Variants in USP6NL observed in about 807,000 individuals in gnomAD.
USP6NL encodes USP6 N-terminal-like protein.
Under a neutral mutation model 61.9 loss-of-function variants are expected in USP6NL, and 26 were observed. That is an observed-to-expected ratio of 0.42 (90% CI 0.31 to 0.58). USP6NL has a LOEUF of 0.58. USP6NL is among the 20% of genes least tolerant of loss of function. The probability of loss-of-function intolerance (pLI) is 0.16; values close to 1 mark genes in which losing one functional copy is unlikely to be tolerated. For synonymous variants in USP6NL, 432 were observed against 390.1 expected (o/e 1.11, Z -1.27); for missense variants, 1,114 against 1,034.3 (o/e 1.08, Z -1.06).
chr10:11,497,334 C>A (rs542897374), intron 7 of USP6NL, among the ~76,000 whole-genome samples: 2 of 149,822 alleles, frequency 1.3e-5, no homozygotes, highest in Admixed American at 6.6e-5. Context: ...TGGTGTGAAC[C>A]CGGGAGGCGG....
intron 6 of USP6NL, among the ~76,000 whole-genome samples, chr10:11,502,172 T>G (rs949463037): frequency 2.7e-5 from 4 of 149,066 alleles, no homozygotes; most frequent in African/African-American, 9.9e-5. Context: ...GGCAGGAGAA[T>G]GGCGTGAACC....
In USP6NL at chr10:11,597,183, C is replaced by T. The variant is rs1838358882; in HGVS notation, c.4+448G>A. On this transcript the variant is annotated intron_variant, in intron 2 of 14. Coordinates refer to ENST00000609104, the MANE Select transcript of USP6NL (RefSeq NM_014688.5). The surrounding 1 kb of genome is among the most constrained non-coding windows in gnomAD (Gnocchi z 4.6). Reference sequence around the variant, plus strand: ...CAAATGTGGTTAAGCCCAGGATAGCCTTGGTTCTTTGTTCTATCAGAGACA... The same window carrying T: ...CAAATGTGGTTAAGCCCAGGATAGCTTTGGTTCTTTGTTCTATCAGAGACA... Among the ~76,000 whole-genome samples the T allele has an allele frequency of 6.6e-6, 1 of 152,146 alleles. No individual in the cohort carries two copies. Among genetic ancestry groups the T allele is most frequent in the Non-Finnish European group, 1.5e-5 (1 of 68,016 alleles).
chr10:11,483,629 G>GT (rs1833324623), intron 13 of USP6NL, among the ~76,000 whole-genome samples: 1 of 716 alleles, frequency 1.4e-3, no homozygotes, highest in Non-Finnish European at 4.6e-3. Context: ...GGGAGAAGGG[G>GT]AGGGAGAGGG....
rs1305379374 is a variant in USP6NL, at chr10:11,463,934, C to CT, written c.1079-86dup. The CT allele has an allele frequency of 1.1e-5, 14 of 1,291,764 alleles. No homozygotes were observed. The highest frequency in any genetic ancestry group is 2.9e-5 in the Admixed American group (1 of 34,598). The allele number at this position is 1,291,764 out of a possible 1,614,324, so 80.0% of individuals were successfully genotyped here. A position where few individuals can be genotyped will look rare whatever the true frequency, so the allele number is the denominator to read the frequency against. ...GCAATCCATTAGTAACAATGGCATG[C>CT]TTTTCATCTGTGCACAGATACACGC... On this transcript the variant is annotated intron_variant, in intron 14 of 14. Transcript: ENST00000609104. The surrounding 1 kb of genome is among the most constrained non-coding windows in gnomAD (Gnocchi z 6.3).
At position 11,528,274 on chromosome 10, in the gene USP6NL, A is replaced by G. The variant is rs1835506130; in HGVS notation, c.5-707T>C. On this transcript the variant is annotated intron_variant, in intron 2 of 14. Transcript: ENST00000609104. This position sits in a 1 kb window ranked among gnomAD's most constrained non-coding sequence, Gnocchi z 4.6. ...TACCATAAGTTTTTTTAAAAGATCA[A>G]TAACAGACTATATAAAAGGCTTCTC... 6.6e-6 allele frequency among the ~76,000 whole-genome samples: 1 copy of G among 151,952 alleles called. No homozygotes were observed. The highest frequency in any genetic ancestry group is 2.4e-5 in the African/African-American group (1 of 41,420).
chr10:11,500,532 G>C (rs939707725), intron 7 of USP6NL, among the ~76,000 whole-genome samples: 1 of 151,966 alleles, frequency 6.6e-6, no homozygotes, highest in East Asian at 1.9e-4. Flanking sequence ...ATGACAAGGA[G>C]ATACATTTAA....
intron 2 of USP6NL, among the ~76,000 whole-genome samples, chr10:11,578,538 A>G (rs1463235260): frequency 6.6e-6 from 1 of 152,232 alleles, no homozygotes; most frequent in Admixed American, 6.5e-5. Context: ...CAGGAGTTTG[A>G]GGCTGCAATG....
chr10:11,573,308 T>C (rs1375518853), intron 2 of USP6NL: 2 of 222,388 alleles, frequency 9.0e-6, no homozygotes, highest in Non-Finnish European at 1.7e-5. Flanking sequence ...ACCTCCAAAA[T>C]ACATAATGCA....
chr10:11,493,298 A>G, intron 7 of USP6NL, 70 bp from the exon 8 acceptor site: 1 of 1,326,468 alleles, frequency 7.5e-7, no homozygotes, highest in South Asian at 1.4e-5. Context: ...ATGACAAATA[A>G]TAATTCTCAT....
At chr10:11,533,368 G>A (rs1424409528) in intron 2 of USP6NL, among the ~76,000 whole-genome samples, 4 of 152,220 alleles carry the variant, frequency 2.6e-5, no homozygotes, top group African/African-American at 4.8e-5. Flanking sequence ...CTTCTGCCCT[G>A]CCAGGGATGT....
Position 11,597,522 on chromosome 10 carries a change from G to C in USP6NL, c.4+109C>G. ...CTGGGTGGAACCACATTCAAACTCT[G>C]AATAAGTGACATAATTCCAATTTAT... On this transcript the variant is annotated intron_variant, in intron 2 of 14. Coordinates refer to ENST00000609104, the MANE Select transcript of USP6NL (RefSeq NM_014688.5). The surrounding 1 kb of genome is among the most constrained non-coding windows in gnomAD (Gnocchi z 4.6). 8.4e-7 allele frequency: 1 copy of C among 1,186,368 alleles called. No individual in the cohort carries two copies. Among genetic ancestry groups the C allele is most frequent in the South Asian group, 1.3e-5 (1 of 76,624 alleles). 73.5% of individuals were successfully genotyped at this position (1,186,368 alleles called of 1,614,324 possible).
At chr10:11,533,390 C>T (rs1195707939) in intron 2 of USP6NL, among the ~76,000 whole-genome samples, 4 of 152,234 alleles carry the variant, frequency 2.6e-5, no homozygotes, top group Admixed American at 6.5e-5. Context: ...CACATCCTAA[C>T]CCCTGGAATC....
intron 2 of USP6NL, among the ~76,000 whole-genome samples, chr10:11,579,889 A>G (rs1837682834): frequency 6.6e-6 from 1 of 150,794 alleles, no homozygotes; most frequent in Non-Finnish European, 1.5e-5. Context: ...CACAGACAAT[A>G]CACACATGAA....
chr10:11,522,117 C>T (rs1835234346), intron 4 of USP6NL, among the ~76,000 whole-genome samples: 1 of 152,192 alleles, frequency 6.6e-6, no homozygotes, highest in Non-Finnish European at 1.5e-5. Context: ...CAACAGCTTT[C>T]ATATTTATTG....
chr10:11,583,932 G>A (rs562617332), intron 2 of USP6NL, among the ~76,000 whole-genome samples: 6 of 152,312 alleles, frequency 3.9e-5, no homozygotes, highest in African/African-American at 1.2e-4. Context: ...CAGAGGCTGA[G>A]GCAGGAGAAT....
At chr10:11,475,596 CAAAA>C (rs35589300) in intron 14 of USP6NL, among the ~76,000 whole-genome samples, 401 of 38,698 alleles carry the variant, frequency 0.01, 2 homozygotes, top group Non-Finnish European at 0.014. Flanking sequence ...AACTCTGTCG[CAAAA>C]AAAAAAAAAA....
Position 11,485,248 on chromosome 10 carries a change from G to T in USP6NL, c.760-14C>A. On this transcript the variant is annotated splice_polypyrimidine_tract_variant and intron_variant, in intron 11 of 14. Coordinates refer to ENST00000609104, the MANE Select transcript of USP6NL (RefSeq NM_014688.5). This position sits in a 1 kb window ranked among gnomAD's most constrained non-coding sequence, Gnocchi z 4.8. ...TTCTTGAGAATCCTGAAAAAACAAAGAGCTCACAATTTATGGATTGTAGCA... is the reference window on the plus strand; with the variant it reads ...TTCTTGAGAATCCTGAAAAAACAAATAGCTCACAATTTATGGATTGTAGCA... 2 of 1,512,560 alleles carry T rather than the reference G, an allele frequency of 1.3e-6. No homozygotes were observed. Among genetic ancestry groups the T allele is most frequent in the South Asian group, 1.3e-5 (1 of 76,196 alleles). 93.7% of individuals were successfully genotyped at this position (1,512,560 alleles called of 1,614,324 possible).
In USP6NL at chr10:11,465,762, A is replaced by G. The variant is rs981669987; in HGVS notation, c.1079-1913T>C. On this transcript the variant is annotated intron_variant, in intron 14 of 14. Coordinates refer to ENST00000609104, the MANE Select transcript of USP6NL (RefSeq NM_014688.5). This position sits in a 1 kb window ranked among gnomAD's most constrained non-coding sequence, Gnocchi z 4.5. Reference sequence around the variant, plus strand: ...TCAATTCTCAATTAATGAAAACTCAATTCACCTGACATGAGGCGTTTCTAA... The same window carrying G: ...TCAATTCTCAATTAATGAAAACTCAGTTCACCTGACATGAGGCGTTTCTAA... 1.3e-5 allele frequency among the ~76,000 whole-genome samples: 2 copies of G among 152,118 alleles called. No homozygotes were observed. Among genetic ancestry groups the G allele is most frequent in the Non-Finnish European group, 2.9e-5 (2 of 68,022 alleles).
intron 7 of USP6NL, 23 bp from the exon 8 acceptor site, chr10:11,493,251 G>T (rs1407104041): frequency 6.4e-7 from 1 of 1,566,782 alleles, no homozygotes; most frequent in Non-Finnish European, 8.7e-7. Flanking sequence ...AGAGAGAACA[G>T]AACAGATTTT....
Sources: gnomAD v4.1 joint callset for allele counts (sites outside exome capture counted in the v4.1 genomes callset) on GRCh38, gnomAD v4.1.1 for gene constraint, Gnocchi (gnomAD v3.1) non-coding constraint, MANE v1.5 for transcripts, NCBI Gene and HGNC (gene_info 2026-07-23, HGNC 2026-07-21) for gene names.